NDST3: variants seen among roughly 807,000 people sequenced by gnomAD.
NDST3 encodes the protein N-deacetylase and N-sulfotransferase 3.
Under a neutral mutation model 96.1 loss-of-function variants are expected in NDST3, and 58 were observed. The observed-to-expected ratio is 0.60, with a 90% CI of 0.49 to 0.75. NDST3 has a LOEUF of 0.75. Ranked by LOEUF, NDST3 falls within the 30% of genes least tolerant of loss-of-function variation. NDST3 has a pLI of 0.00. For missense variants in NDST3, 788 were observed against 1,034.2 expected (o/e 0.76, Z 3.27); for synonymous variants, 333 against 359.7 (o/e 0.93, Z 0.84).
chr4:118,215,036 C>T (rs1739102973), intron 6 of NDST3, among the ~76,000 whole-genome samples: 1 of 152,066 alleles, frequency 6.6e-6, no homozygotes, highest in African/African-American at 2.4e-5. Flanking sequence ...CTATTACAAG[C>T]ACATAAAGAG....
chr4:118,189,106 G>A (rs1486934564), intron 6 of NDST3, among the ~76,000 whole-genome samples: 5 of 152,080 alleles, frequency 3.3e-5, no homozygotes, highest in African/African-American at 1.2e-4. Flanking sequence ...CTAGAGTGCA[G>A]TGCCACAATC....
intron 12 of NDST3, among the ~76,000 whole-genome samples, chr4:118,249,086 A>T (rs1192649621): frequency 3.3e-5 from 5 of 152,216 alleles, no homozygotes; most frequent in African/African-American, 4.8e-5. Flanking sequence ...GCTGCATAAG[A>T]TCTAATTAAT....
intron 13 of NDST3, 35 bp downstream of exon 13, chr4:118,253,636 G>A: frequency 7.3e-7 from 1 of 1,366,282 alleles, no homozygotes. Flanking sequence ...AACTAAATCA[G>A]CAAAATGGTA....
intron 2 of NDST3, among the ~76,000 whole-genome samples, chr4:118,057,501 T>C (rs779541506): frequency 2.0e-5 from 3 of 151,916 alleles, no homozygotes; most frequent in Admixed American, 1.3e-4. Flanking sequence ...ATGTAGAATA[T>C]TGAGGAAAAT....
At chr4:118,201,927 T>C (rs544736973) in intron 6 of NDST3, among the ~76,000 whole-genome samples, 3 of 152,304 alleles carry the variant, frequency 2.0e-5, no homozygotes, top group African/African-American at 7.2e-5. Flanking sequence ...AGGACCTTCA[T>C]TGAAATCTTT....
At chr4:118,159,295 C>G (rs1006112874) in intron 6 of NDST3, among the ~76,000 whole-genome samples, 7 of 152,124 alleles carry the variant, frequency 4.6e-5, no homozygotes, top group Non-Finnish European at 7.4e-5. Flanking sequence ...CAGAGAACAC[C>G]AGAAGGAGTA....
intron 3 of NDST3, among the ~76,000 whole-genome samples, chr4:118,105,693 C>T (rs1730121152): frequency 6.6e-6 from 1 of 152,136 alleles, no homozygotes; most frequent in Non-Finnish European, 1.5e-5. Flanking sequence ...ATTTACTTGT[C>T]TATTCCATTA....
rs139137005 is a variant in NDST3 at position 118,048,204 on chromosome 4, G to A, written c.-155-5552G>A. ...TGAATGAATTCATTTCAACTAGACT[G>A]GCCTTAGAAGAGGTTCTTAGGGAGT... On this transcript the variant is annotated intron_variant, in intron 1 of 13. Coordinates refer to ENST00000296499, the MANE Select transcript of NDST3 (RefSeq NM_004784.3). Among the ~76,000 whole-genome samples, 226 of 152,066 alleles carry A rather than the reference G, an allele frequency of 1.5e-3. 1 individual carries two copies. The highest frequency in any genetic ancestry group is 4.9e-3 in the African/African-American group (205 of 41,498).
At chr4:118,239,901 G>A (rs1283468264) in intron 10 of NDST3, among the ~76,000 whole-genome samples, 1 of 144,922 alleles carries the variant, frequency 6.9e-6, no homozygotes, top group Non-Finnish European at 1.5e-5. Context: ...CTGTTGGATT[G>A]CTGCTTTCTG....
At position 118,180,594 on chromosome 4, in the gene NDST3, T is replaced by C. The variant is rs13136897; in HGVS notation, c.1539+36910T>C. ...TTGGAGACAAATTTGGTTAGATAGG[T>C]GACTTTTCAATTTAGCTTTGGTTTA... On this transcript the variant is annotated intron_variant, in intron 6 of 13. Coordinates refer to ENST00000296499, the MANE Select transcript of NDST3 (RefSeq NM_004784.3). Among the ~76,000 whole-genome samples the C allele has an allele frequency of 7.0e-3, 1,065 of 152,206 alleles. 9 individuals are homozygous for C. Among genetic ancestry groups the C allele is most frequent in the Non-Finnish European group, 0.012 (786 of 67,992 alleles).
rs1560738419 is a variant in NDST3 at position 118,238,146 on chromosome 4, A to AGAAAAGAAAGG, written c.2118+926_2118+927insGAAAAGAAAGG. On this transcript the variant is annotated intron_variant, in intron 10 of 13. Coordinates refer to ENST00000296499, the MANE Select transcript of NDST3 (RefSeq NM_004784.3). ...AAGAGAGAGAGAGAGAGAGAGAGAG[A>AGAAAAGAAAGG]AAAGAAAGAAAAGAAAGAAAGAAAG... Among the ~76,000 whole-genome samples the AGAAAAGAAAGG allele has an allele frequency of 1.5e-3, 129 of 83,816 alleles. 5 individuals are homozygous for AGAAAAGAAAGG. Among genetic ancestry groups the AGAAAAGAAAGG allele is most frequent in the East Asian group, 2.8e-3 (10 of 3,574 alleles). 55.0% of individuals were successfully genotyped at this position (83,816 alleles called of 152,430 possible).
chr4:118,251,079 C>T (rs987886871), intron 12 of NDST3, among the ~76,000 whole-genome samples: 1 of 143,038 alleles, frequency 7.0e-6, no homozygotes, highest in Non-Finnish European at 1.5e-5. Flanking sequence ...ATAATTTTAG[C>T]TATAAATTTT....
intron 6 of NDST3, among the ~76,000 whole-genome samples, chr4:118,182,902 T>G (rs74391621): frequency 0.012 from 1,819 of 152,272 alleles, 32 homozygotes; most frequent in African/African-American, 0.041. Flanking sequence ...CCTATGCCTG[T>G]GCTCCTTGCC....
chr4:118,051,179 T>C (rs1307792566), intron 1 of NDST3, among the ~76,000 whole-genome samples: 1 of 152,170 alleles, frequency 6.6e-6, no homozygotes, highest in Admixed American at 6.6e-5. Flanking sequence ...TGCAGAAGAA[T>C]GAAACTGGAC....
chr4:118,058,800 T>C (rs915019304), intron 2 of NDST3, among the ~76,000 whole-genome samples: 2 of 152,064 alleles, frequency 1.3e-5, no homozygotes, highest in Non-Finnish European at 2.9e-5. Flanking sequence ...AAAAAAAGCT[T>C]CTACCATTAA....
At chr4:118,101,402 T>C (rs1729754586) in intron 2 of NDST3, among the ~76,000 whole-genome samples, 1 of 150,716 alleles carries the variant, frequency 6.6e-6, no homozygotes, top group Non-Finnish European at 1.5e-5. Flanking sequence ...TGGGGTAGCA[T>C]ACAGATTAAA....
chr4:118,147,244 T>C (rs1319385990), intron 6 of NDST3, among the ~76,000 whole-genome samples: 1 of 152,190 alleles, frequency 6.6e-6, no homozygotes, highest in African/African-American at 2.4e-5. Flanking sequence ...GTGTACTGAA[T>C]CAGGTTTTGG....
chr4:118,099,824 G>A (rs1729619845), intron 2 of NDST3, among the ~76,000 whole-genome samples: 1 of 151,956 alleles, frequency 6.6e-6, no homozygotes, highest in Admixed American at 6.6e-5. Flanking sequence ...ATATTTCAAT[G>A]TTTTTCTTGT....
At chr4:118,227,238 TCCCCCCCAAATG>T (rs1739951305) in intron 8 of NDST3, among the ~76,000 whole-genome samples, 1 of 148,934 alleles carries the variant, frequency 6.7e-6, no homozygotes. Flanking sequence ...TTTTTTTTTT[TCCCCCCCAAATG>T]TTTTAATTGA....
Sources: allele counts gnomAD v4.1 joint callset (sites outside exome capture counted in the v4.1 genomes callset), GRCh38; gene constraint gnomAD v4.1.1; transcripts MANE v1.5; gene names NCBI Gene and HGNC (gene_info 2026-07-23, HGNC 2026-07-21).